Variants in TNS3 observed in about 807,000 individuals in gnomAD.
TNS3 encodes tensin 3.
In TNS3, 45 loss-of-function variants were observed where a neutral mutation model predicts 140.9. That is an observed-to-expected ratio of 0.32 (90% CI 0.25 to 0.41). TNS3 has a LOEUF of 0.41. TNS3 is among the 10% of genes least tolerant of loss of function. TNS3 has a pLI of 1.00. For missense variants in TNS3, 1,716 were observed against 1,906.7 expected, an observed-to-expected ratio of 0.90 and a Z score of 1.86; for synonymous variants, 815 against 788.4, an observed-to-expected ratio of 1.03 and a Z score of -0.56.
At chr7:47,521,939 G>A (rs958258137) in intron 2 of TNS3, among the ~76,000 whole-genome samples, 1 of 152,146 alleles carries the variant, frequency 6.6e-6, no homozygotes, top group Non-Finnish European at 1.5e-5. Context: ...GGCAGACAAA[G>A]GGCCAGACCC....
intron 27 of TNS3, among the ~76,000 whole-genome samples, chr7:47,286,446 T>A (rs1337786368): frequency 6.6e-6 from 1 of 152,174 alleles, no homozygotes; most frequent in Non-Finnish European, 1.5e-5. Context: ...CAGGCATGCC[T>A]GCGCCTGCCT....
At position 47,280,362 on chromosome 7, in the gene TNS3, G is replaced by A; in HGVS notation, c.4098-8C>T. ...TGCCTCCGGAAGAAGAGCCTGTTGG[G>A]ACATGGGGGAGAGAGGATGGCTCCT... On this transcript the variant is annotated splice_polypyrimidine_tract_variant and splice_region_variant and intron_variant, in intron 28 of 30. Transcript: ENST00000311160. The A allele has an allele frequency of 8.1e-6, 13 of 1,614,086 alleles. No homozygotes were observed. Among genetic ancestry groups the A allele is most frequent in the Non-Finnish European group, 1.1e-5 (13 of 1,180,018 alleles).
intron 2 of TNS3, among the ~76,000 whole-genome samples, chr7:47,526,922 G>A (rs945287590): frequency 1.3e-5 from 2 of 152,170 alleles, no homozygotes; most frequent in Non-Finnish European, 1.5e-5. Flanking sequence ...CAAAGTTAGA[G>A]ACCAAAATTT....
rs1388960310 is a variant in TNS3, at chr7:47,428,363, C to T, written c.338G>A (p.Arg113His). ...GTAGGATGATATGACCACTCCTATG[C>T]GTCCTTTCCCGCCCTGCAGGAGACA... is the stretch of plus-strand genomic sequence containing the variant. Reference protein sequence around the residue: ...VVIHCRGGKGRIGVVISSYMH... With the variant: ...VVIHCRGGKGHIGVVISSYMH... The change falls in exon 9 of 31, where the codon CGC (arginine) becomes CAC (histidine). Residue 113 changes from arginine to histidine, a missense_variant. Physicochemically the swap from Arg to His is conservative, Grantham distance 29 (BLOSUM62 0). This residue lies in a region of TNS3 where 337 missense variants were observed against 428.9 expected (regional missense o/e 0.79). Transcript: ENST00000311160. 2.8e-6 allele frequency: 4 copies of T among 1,444,818 alleles called. No homozygotes were observed. Among genetic ancestry groups the T allele is most frequent in the East Asian group, 2.7e-5 (1 of 37,126 alleles). The allele number at this position is 1,444,818 out of a possible 1,614,324, so 89.5% of individuals were successfully genotyped here.
In TNS3 at chr7:47,368,617, C is replaced by T; in HGVS notation, c.2029G>A (p.Gly677Arg). The T allele has an allele frequency of 6.3e-7, 1 of 1,593,864 alleles. No individual in the cohort carries two copies. The highest frequency in any genetic ancestry group is 1.2e-5 in the South Asian group (1 of 86,772). The part of the protein sequence containing the change: ...PRFPGDQVVN[G>R]AGPELSTGPS... The stretch of plus-strand genomic sequence containing the variant: ...CCTGTGCTCAGCTCTGGGCCGGCTC[C>T]ATTCACAACCTGGTCTCCTGGAAAC... Residue 677 changes from glycine (G) to arginine (R), a missense_variant, in exon 17 of 31, where the codon GGA (glycine) becomes AGA (arginine). By Grantham distance (125) the Gly-to-Arg change is moderately radical. Around this residue, in one of 3 missense-constraint regions of TNS3, gnomAD observed 1,163 missense variants for 1,182.1 expected, o/e 0.98. Coordinates refer to ENST00000311160, the MANE Select transcript of TNS3 (RefSeq NM_022748.12).
chr7:47,311,780 A>G (rs1195779904), intron 20 of TNS3, among the ~76,000 whole-genome samples: 2 of 152,332 alleles, frequency 1.3e-5, no homozygotes, highest in South Asian at 2.1e-4. Flanking sequence ...GAATTTCCTA[A>G]AAGACTCAAG....
intron 20 of TNS3, among the ~76,000 whole-genome samples, chr7:47,324,216 C>T (rs1051339723): frequency 6.6e-6 from 1 of 152,118 alleles, no homozygotes; most frequent in Non-Finnish European, 1.5e-5. Flanking sequence ...TCATGTTTAC[C>T]GAATTTTCTA....
chr7:47,284,080 C>CA (rs1785285982), intron 27 of TNS3, among the ~76,000 whole-genome samples: 1 of 152,202 alleles, frequency 6.6e-6, no homozygotes, highest in African/African-American at 2.4e-5. Context: ...CATGTCAAGG[C>CA]AGAGAATAAG....
At chr7:47,434,262 A>C (rs527555815) in intron 8 of TNS3, among the ~76,000 whole-genome samples, 1 of 152,110 alleles carries the variant, frequency 6.6e-6, no homozygotes, top group African/African-American at 2.4e-5. Context: ...TAAATTCCAT[A>C]ATACAATGGA....
intron 16 of TNS3, among the ~76,000 whole-genome samples, chr7:47,389,634 T>C (rs1210767888): frequency 6.6e-6 from 1 of 152,224 alleles, no homozygotes; most frequent in Non-Finnish European, 1.5e-5. Context: ...GTATCAATTT[T>C]TTGAAAGTAA....
At chr7:47,445,545 T>C (rs1000679745) in intron 4 of TNS3, among the ~76,000 whole-genome samples, 2 of 152,190 alleles carry the variant, frequency 1.3e-5, no homozygotes, top group African/African-American at 4.8e-5. Context: ...TCAGTGAGGA[T>C]AAAAGACTCT....
At chr7:47,482,542 A>C (rs1198336960) in intron 3 of TNS3, among the ~76,000 whole-genome samples, 1 of 152,262 alleles carries the variant, frequency 6.6e-6, no homozygotes, top group Non-Finnish European at 1.5e-5. Context: ...AGGATGGCGG[A>C]AACAGCCGGA....
At chr7:47,379,390 C>G (rs1449988753) in intron 16 of TNS3, among the ~76,000 whole-genome samples, 1 of 152,150 alleles carries the variant, frequency 6.6e-6, no homozygotes, top group Non-Finnish European at 1.5e-5. Context: ...AATTTTATTA[C>G]AATAGAATTC....
chr7:47,499,246 G>A (rs1307098567), intron 3 of TNS3, among the ~76,000 whole-genome samples: 2 of 152,312 alleles, frequency 1.3e-5, no homozygotes, highest in African/African-American at 4.8e-5. Flanking sequence ...TAGAAAAAGA[G>A]ACACAGGTAT....
intron 3 of TNS3, among the ~76,000 whole-genome samples, chr7:47,502,011 C>T (rs904292821): frequency 6.6e-6 from 1 of 152,150 alleles, no homozygotes; most frequent in African/African-American, 2.4e-5. Flanking sequence ...TGTAGGCATA[C>T]GAGCAAGGTG....
chr7:47,301,704 T>A (rs974847740), intron 23 of TNS3, among the ~76,000 whole-genome samples: 6 of 151,426 alleles, frequency 4.0e-5, no homozygotes, highest in Non-Finnish European at 7.4e-5. Flanking sequence ...GTGTGAGGCA[T>A]GCGGCTAAGT....
intron 4 of TNS3, among the ~76,000 whole-genome samples, chr7:47,445,113 G>A (rs898666895): frequency 5.3e-5 from 8 of 152,056 alleles, no homozygotes; most frequent in African/African-American, 1.2e-4. Flanking sequence ...AAATCGAGGC[G>A]AGAAACCCAG....
At chr7:47,425,095 G>T (rs984407937) in intron 9 of TNS3, among the ~76,000 whole-genome samples, 1 of 152,204 alleles carries the variant, frequency 6.6e-6, no homozygotes, top group African/African-American at 2.4e-5. Context: ...AAGGCGGGCG[G>T]ATCACCTGAG....
At chr7:47,339,734 G>A (rs1171866699) in intron 20 of TNS3, among the ~76,000 whole-genome samples, 2 of 151,990 alleles carry the variant, frequency 1.3e-5, no homozygotes, top group East Asian at 3.8e-4. Context: ...ATCTTGCTGA[G>A]ATTTTGATAG....
Sources: allele counts gnomAD v4.1 joint callset (sites outside exome capture counted in the v4.1 genomes callset), GRCh38; gene constraint gnomAD v4.1.1; regional missense constraint gnomAD v4.1.1; transcripts MANE v1.5; gene names NCBI Gene and HGNC (gene_info 2026-07-23, HGNC 2026-07-21).